The following FANCI variants were observed in gnomAD, a reference collection of about 807,000 sequenced individuals.
FANCI encodes the protein Fanconi anemia group I protein.
Under a neutral mutation model 176.1 loss-of-function variants are expected in FANCI, and 156 were observed. The observed-to-expected ratio is 0.89, with a 90% confidence interval of 0.78 to 1.01. The LOEUF (loss-of-function observed/expected upper bound fraction) is 1.01. Ranked by LOEUF, FANCI falls within the 50% of genes least tolerant of loss-of-function variation. The probability of loss-of-function intolerance (pLI) is 0.00; values close to 1 mark genes in which losing one functional copy is unlikely to be tolerated. For synonymous variants in FANCI, 613 were observed against 541.7 expected (o/e 1.13, Z -1.83); for missense variants, 1,678 against 1,534.1 (o/e 1.09, Z -1.57).
At chr15:89,286,941 C>T (rs1427907757) in intron 18 of FANCI, among the ~76,000 whole-genome samples, 1 of 147,990 alleles carries the variant, frequency 6.8e-6, no homozygotes, top group African/African-American at 2.5e-5. Context: ...TAATTTGCCT[C>T]AGCTTCTCCA....
chr15:89,278,352 AG>A (rs2053483308), intron 13 of FANCI, among the ~76,000 whole-genome samples: 1 of 152,244 alleles, frequency 6.6e-6, no homozygotes, highest in African/African-American at 2.4e-5. Flanking sequence ...TTAGAATAAA[AG>A]TTATGTATAC....
chr15:89,292,989 T>C lies in FANCI; in HGVS notation c.2217T>C (p.Asn739=). The stretch of plus-strand genomic sequence containing the variant: ...AGAGCACCAGTATTGGCATAAAAAA[T>C]AATATCTGTGCTTTTCTTGTGATGG... ...FSQSTSIGIK[N]NICAFLVMGV... The change falls in exon 22 of 38, where the codon AAT becomes AAC. Residue 739 remains asparagine (N), a synonymous_variant. Transcript: ENST00000310775. 1.2e-6 allele frequency: 2 copies of C among 1,614,090 alleles called. No individual in the cohort carries two copies. Among genetic ancestry groups the C allele is most frequent in the Non-Finnish European group, 1.7e-6 (2 of 1,179,962 alleles).
chr15:89,252,777 A>G (rs1348255847), intron 2 of FANCI, among the ~76,000 whole-genome samples: 1 of 152,052 alleles, frequency 6.6e-6, no homozygotes, highest in Admixed American at 6.6e-5. Context: ...AATGTCCAAA[A>G]CCCATGCGAA....
intron 34 of FANCI, among the ~76,000 whole-genome samples, chr15:89,310,636 C>T (rs2054917912): frequency 6.6e-6 from 1 of 152,230 alleles, no homozygotes; most frequent in African/African-American, 2.4e-5. Flanking sequence ...TGGGCAAGAG[C>T]CCATGCATGG....
At chr15:89,257,881 G>C (rs1357427710) in intron 2 of FANCI, among the ~76,000 whole-genome samples, 1 of 152,142 alleles carries the variant, frequency 6.6e-6, no homozygotes, top group Non-Finnish European at 1.5e-5. Context: ...CACACAAGGA[G>C]CAAGGATGAT....
intron 1 of FANCI, among the ~76,000 whole-genome samples, chr15:89,244,778 C>T (rs190277603): frequency 1.3e-5 from 2 of 152,288 alleles, no homozygotes; most frequent in African/African-American, 4.8e-5. Flanking sequence ...GGGAAATTCC[C>T]TAATCTCTGA....
At chr15:89,290,961 A>C (rs1459221459) in intron 19 of FANCI, among the ~76,000 whole-genome samples, 1 of 152,186 alleles carries the variant, frequency 6.6e-6, no homozygotes, top group Non-Finnish European at 1.5e-5. Flanking sequence ...ATATTCTGTC[A>C]GCTATATTGT....
chr15:89,310,315 T>C (rs8028380), intron 34 of FANCI, among the ~76,000 whole-genome samples: 14,192 of 152,286 alleles, frequency 0.093, 763 homozygotes, highest in African/African-American at 0.15. Context: ...AGATTTATAC[T>C]ATGGGCTATA....
chr15:89,278,621 A>G, intron 13 of FANCI, 66 bp from the exon 14 acceptor site: 1 of 1,137,934 alleles, frequency 8.8e-7, no homozygotes, highest in Non-Finnish European at 1.3e-6. Context: ...GCTGCCTGAC[A>G]TGCATTGATA....
chr15:89,308,052 G>A (rs1430991468), intron 34 of FANCI: 3 of 1,146,142 alleles, frequency 2.6e-6, no homozygotes, highest in Non-Finnish European at 3.2e-6. Context: ...AGACGGCAGT[G>A]CAGTGAGGGC....
At chr15:89,304,229 G>A (rs542259633) in intron 28 of FANCI, among the ~76,000 whole-genome samples, 14 of 152,266 alleles carry the variant, frequency 9.2e-5, no homozygotes, top group Non-Finnish European at 1.6e-4. Flanking sequence ...TCTCTTAGCA[G>A]CACTATTTTA....
intron 24 of FANCI, among the ~76,000 whole-genome samples, chr15:89,296,970 G>GCC (rs1567168107): frequency 5.6e-5 from 7 of 124,242 alleles, no homozygotes; most frequent in African/African-American, 1.5e-4. Context: ...GCGGGGGGCT[G>GCC]ACCCCCCCCA....
At chr15:89,270,511 A>AT (rs902674347) in intron 10 of FANCI, among the ~76,000 whole-genome samples, 34 of 148,580 alleles carry the variant, frequency 2.3e-4, no homozygotes, top group African/African-American at 3.5e-4. Flanking sequence ...TTTATATCTT[A>AT]TTTTTTTTTT....
chr15:89,289,071 TATG>T (rs2053951216), intron 18 of FANCI, among the ~76,000 whole-genome samples: 1 of 152,084 alleles, frequency 6.6e-6, no homozygotes, highest in South Asian at 2.1e-4. Flanking sequence ...CCTGAATTTG[TATG>T]ATAATATATA....
At position 89,283,213 on chromosome 15, in the gene FANCI, C is replaced by A; in HGVS notation, c.1661C>A (p.Ser554Ter). The A allele has an allele frequency of 6.2e-7, 1 of 1,614,140 alleles. No individual in the cohort carries two copies. Among genetic ancestry groups the A allele is most frequent in the African/African-American group, 1.3e-5 (1 of 75,034 alleles). ...AACTTTAAAGTTTTAGGCAGCCTGT[C>A]ATCCTCTCAGTGCAGTCAGTCTCTC... ...LKNFKVLGSL[S>*]SSQCSQSLSV... The change falls in exon 17 of 38, where the codon TCA becomes TAA. Residue 554 changes from serine to a stop codon, truncating the protein, a stop_gained. Transcript: ENST00000310775. LOFTEE classifies it high-confidence loss of function.
At chr15:89,315,507 C>T in intron 37 of FANCI, 118 bp downstream of exon 37, 2 of 737,836 alleles carry the variant, frequency 2.7e-6, no homozygotes, top group Non-Finnish European at 4.9e-6. Flanking sequence ...AAAAGGTGAT[C>T]AGGCAAAGAT....
rs759189437 is a variant in FANCI at position 89,316,744 on chromosome 15, G to A, written c.*285G>A. On this transcript the variant is annotated 3_prime_UTR_variant, in exon 38 of 38. Transcript: ENST00000310775. ...CACGGGAGCAAATACAGAGCCTCCA[G>A]GCAGTGCTATGGTCCAGGCTGGCTT... 1.4e-5 allele frequency: 22 copies of A among 1,607,432 alleles called. No homozygotes were observed. Among genetic ancestry groups the A allele is most frequent in the Admixed American group, 6.7e-5 (4 of 59,994 alleles).
At position 89,316,743 on chromosome 15, in the gene FANCI, A is replaced by G. The variant is rs776595063; in HGVS notation, c.*284A>G. ...CCACGGGAGCAAATACAGAGCCTCC[A>G]GGCAGTGCTATGGTCCAGGCTGGCT... On this transcript the variant is annotated 3_prime_UTR_variant, in exon 38 of 38. Coordinates refer to ENST00000310775, the MANE Select transcript of FANCI (RefSeq NM_001113378.2). The G allele has an allele frequency of 6.2e-7, 1 of 1,606,842 alleles. No individual in the cohort carries two copies. The highest frequency in any genetic ancestry group is 1.1e-5 in the South Asian group (1 of 90,934).
At chr15:89,274,852 G>A (rs1159936328) in intron 12 of FANCI, among the ~76,000 whole-genome samples, 2 of 151,758 alleles carry the variant, frequency 1.3e-5, no homozygotes, top group Non-Finnish European at 2.9e-5. Flanking sequence ...CAATCCACCT[G>A]CCTTGGCCTC....
Sources: allele counts gnomAD v4.1 joint callset (sites outside exome capture counted in the v4.1 genomes callset), GRCh38; gene constraint gnomAD v4.1.1; transcripts MANE v1.5; gene names NCBI Gene and HGNC (gene_info 2026-07-23, HGNC 2026-07-21).